SLC44A1: variants seen among roughly 807,000 people sequenced by gnomAD.
The protein encoded by SLC44A1 is solute carrier family 44 member 1, also known as choline transporter-like protein 1.
In SLC44A1, 26 loss-of-function variants were observed where a neutral mutation model predicts 79.3. The observed-to-expected ratio is 0.33, with a 90% CI of 0.24 to 0.46. The LOEUF is 0.46. Ranked by LOEUF, SLC44A1 falls within the 20% of genes least tolerant of loss-of-function variation. SLC44A1 has a pLI of 1.00. For missense variants in SLC44A1, 688 were observed against 798.1 expected (o/e 0.86, Z 1.66); for synonymous variants, 263 against 286.2 (o/e 0.92, Z 0.82).
chr9:105,299,703 CT>C, intron 2 of SLC44A1: 1 of 754,472 alleles, frequency 1.3e-6, no homozygotes. Flanking sequence ...AGATGGGAGG[CT>C]GGTTGCTCAC....
chr9:105,300,704 GTT>G (rs1830854117), intron 2 of SLC44A1, among the ~76,000 whole-genome samples: 1 of 151,838 alleles, frequency 6.6e-6, no homozygotes, highest in Admixed American at 6.6e-5. Context: ...TTGCTCAAAA[GTT>G]TACTTAGTTT....
At chr9:105,281,009 A>G (rs1830337563) in intron 1 of SLC44A1, among the ~76,000 whole-genome samples, 1 of 152,192 alleles carries the variant, frequency 6.6e-6, no homozygotes, top group South Asian at 2.1e-4. Context: ...CACCGAGGTG[A>G]ACCTGTGACT....
intron 1 of SLC44A1, among the ~76,000 whole-genome samples, chr9:105,275,565 T>A (rs1830179081): frequency 6.6e-6 from 1 of 152,220 alleles, no homozygotes; most frequent in Non-Finnish European, 1.5e-5. Context: ...ATTTGTAACC[T>A]TCTTTTGAAA....
intron 13 of SLC44A1, among the ~76,000 whole-genome samples, chr9:105,382,671 T>C (rs1828504783): frequency 6.6e-6 from 1 of 152,198 alleles, no homozygotes; most frequent in Non-Finnish European, 1.5e-5. Context: ...CTATGTATAT[T>C]AATGAAAAGC....
At chr9:105,351,807 A>C (rs1254721936) in intron 5 of SLC44A1, among the ~76,000 whole-genome samples, 3 of 152,200 alleles carry the variant, frequency 2.0e-5, no homozygotes, top group Non-Finnish European at 4.4e-5. Context: ...TTTAACCTTC[A>C]CAAAAATCTG....
chr9:105,310,145 T>G (rs1027761208), intron 3 of SLC44A1, among the ~76,000 whole-genome samples: 4 of 151,568 alleles, frequency 2.6e-5, no homozygotes, highest in African/African-American at 9.8e-5. Context: ...GTTATTCTTT[T>G]ACTCTTTTTT....
rs1828708231 is a variant in SLC44A1 at position 105,389,399 on chromosome 9, A to T, written c.*343A>T. On this transcript the variant is annotated 3_prime_UTR_variant, in exon 16 of 16. Coordinates refer to ENST00000374720, the MANE Select transcript of SLC44A1 (RefSeq NM_080546.5). ...ATAACTTAGAGGAGATTTTAACTTT[A>T]TTTAAAAATAGGTAAAATTATTGTA... 4.8e-6 allele frequency: 5 copies of T among 1,048,726 alleles called. No individual in the cohort carries two copies. Among genetic ancestry groups the T allele is most frequent in the Non-Finnish European group, 5.8e-6 (5 of 868,600 alleles). 65.0% of individuals were successfully genotyped at this position (1,048,726 alleles called of 1,614,324 possible). A position where few individuals can be genotyped will look rare whatever the true frequency, so the allele number is the denominator to read the frequency against.
intron 15 of SLC44A1, among the ~76,000 whole-genome samples, chr9:105,405,956 A>G (rs1230478547): frequency 2.0e-5 from 3 of 152,166 alleles, no homozygotes; most frequent in Non-Finnish European, 4.4e-5. Flanking sequence ...GGCCACACAC[A>G]TGCCCAGGGC....
At chr9:105,418,589 C>T (rs1829205578) in intron 15 of SLC44A1, among the ~76,000 whole-genome samples, 1 of 152,120 alleles carries the variant, frequency 6.6e-6, no homozygotes. Flanking sequence ...AACTAGCCCC[C>T]ACCCTTCCCA....
Position 105,418,395 on chromosome 9 carries a change from C to T in SLC44A1, c.1951-19886C>T, listed in dbSNP as rs557849706. On this transcript the variant is annotated intron_variant, in intron 15 of 15. Transcript: ENST00000374724. ...TTTTAAAAGACCAGGAAGCTCACAG[C>T]CTTCAGTTCACACTGCAACAGTAGT... Among the ~76,000 whole-genome samples the T allele has an allele frequency of 9.3e-4, 142 of 151,898 alleles. 1 individual carries two copies. The highest frequency in any genetic ancestry group is 3.3e-3 in the South Asian group (16 of 4,800).
chr9:105,304,040 A>G (rs1830951694), intron 2 of SLC44A1, among the ~76,000 whole-genome samples: 1 of 152,200 alleles, frequency 6.6e-6, no homozygotes, highest in African/African-American at 2.4e-5. Context: ...GTGGACATGT[A>G]GAATTTGTGA....
intron 15 of SLC44A1, among the ~76,000 whole-genome samples, chr9:105,406,876 A>G (rs1425468236): frequency 6.6e-6 from 1 of 152,240 alleles, no homozygotes; most frequent in African/African-American, 2.4e-5. Context: ...AGAACTAAAG[A>G]AAATCAAGAG....
At chr9:105,288,549 A>T (rs145738420) in intron 1 of SLC44A1, among the ~76,000 whole-genome samples, 1 of 152,136 alleles carries the variant, frequency 6.6e-6, no homozygotes, top group African/African-American at 2.4e-5. Context: ...AGGTCTCACT[A>T]TGTTGCCCAG....
At chr9:105,400,331 A>G (rs1025456082), downstream of SLC44A1, among the ~76,000 whole-genome samples, 1 of 151,922 alleles carries the variant, frequency 6.6e-6, no homozygotes, top group Non-Finnish European at 1.5e-5. Flanking sequence ...TCTACTAAAA[A>G]TACAAAAATT....
intron 1 of SLC44A1, among the ~76,000 whole-genome samples, chr9:105,249,073 G>T (rs1000587551): frequency 2.6e-5 from 4 of 152,174 alleles, no homozygotes; most frequent in Non-Finnish European, 5.9e-5. Flanking sequence ...TGTCTGTCTA[G>T]CGTTAGGAGA....
chr9:105,300,748 GA>G (rs1296348408), intron 2 of SLC44A1, among the ~76,000 whole-genome samples: 1 of 151,680 alleles, frequency 6.6e-6, no homozygotes, highest in Admixed American at 6.6e-5. Flanking sequence ...TAACATGCAT[GA>G]ATGTTTATGC....
At chr9:105,279,441 C>G (rs1279863086) in intron 1 of SLC44A1, among the ~76,000 whole-genome samples, 1 of 151,722 alleles carries the variant, frequency 6.6e-6, no homozygotes, top group African/African-American at 2.4e-5. Flanking sequence ...CCTCAGCCTC[C>G]CGAGTAGCTG....
intron 4 of SLC44A1, among the ~76,000 whole-genome samples, chr9:105,337,054 TCATTTTTTATTCC>T (rs1279856696): frequency 3.9e-5 from 6 of 152,254 alleles, no homozygotes; most frequent in Admixed American, 6.5e-5. Context: ...CTTCACGATC[TCATTTTTTATTCC>T]CATATTGTAT....
At chr9:105,353,754 G>A (rs1827525886) in intron 5 of SLC44A1, among the ~76,000 whole-genome samples, 1 of 152,162 alleles carries the variant, frequency 6.6e-6, no homozygotes. Flanking sequence ...GTTCAAGGTT[G>A]GAGGCAAGTG....
Sources: allele counts gnomAD v4.1 joint callset (sites outside exome capture counted in the v4.1 genomes callset), GRCh38; gene constraint gnomAD v4.1.1; transcripts MANE v1.5; gene names NCBI Gene and HGNC (gene_info 2026-07-23, HGNC 2026-07-21).